MAGI1: variants seen among roughly 807,000 people sequenced by gnomAD.
MAGI1 encodes the protein membrane associated guanylate kinase, WW and PDZ domain containing 1.
MAGI1 carries 58 observed loss-of-function variants against 139.9 expected under a neutral mutation model. The ratio of observed to expected loss-of-function variants is 0.41; its 90% CI spans 0.34 to 0.52. MAGI1 has a LOEUF of 0.52. Among genes scored for constraint, MAGI1 ranks in the 20% least tolerant of loss-of-function variants. The probability of loss-of-function intolerance (pLI) is 0.12; values close to 1 mark genes in which losing one functional copy is unlikely to be tolerated. For synonymous variants in MAGI1, 812 were observed against 737.9 expected, an observed-to-expected ratio of 1.10 and a Z score of -1.63; for missense variants, 1,874 against 1,901.6, an observed-to-expected ratio of 0.99 and a Z score of 0.27.
In MAGI1 at chr3:65,499,423, C is replaced by T. The variant is rs1459251851; in HGVS notation, c.431-5792G>A. Among the ~76,000 whole-genome samples the T allele has an allele frequency of 7.2e-5, 11 of 152,016 alleles. 1 individual carries two copies. ...CCAACACTTTGGGAGGCCGAGGTGG[C>T]CAGATCACGAGGTCAGGAGATCGAG... On this transcript the variant is annotated intron_variant, in intron 2 of 22. Coordinates refer to ENST00000402939, the MANE Select transcript of MAGI1 (RefSeq NM_001033057.2).
intron 1 of MAGI1, chr3:65,954,417 T>C (rs6784567): frequency 0.59 from 89,414 of 152,184 alleles, 27,113 homozygotes; most frequent in East Asian, 0.82. Context: ...GGGCAGCGCT[T>C]GCCAAGGTGG....
chr3:65,601,322 G>A (rs2082473201), intron 2 of MAGI1, among the ~76,000 whole-genome samples: 1 of 151,922 alleles, frequency 6.6e-6, no homozygotes. Flanking sequence ...CATAACACAG[G>A]CCACATTCAC....
intron 14 of MAGI1, among the ~76,000 whole-genome samples, chr3:65,388,340 A>G (rs1027079771): frequency 3.3e-5 from 5 of 152,162 alleles, no homozygotes; most frequent in Admixed American, 3.3e-4. Flanking sequence ...CAACAAAAAG[A>G]GGGTAATATG....
intron 2 of MAGI1, among the ~76,000 whole-genome samples, chr3:65,612,380 C>T (rs1427165531): frequency 6.6e-6 from 1 of 151,946 alleles, no homozygotes; most frequent in African/African-American, 2.4e-5. Flanking sequence ...TATTTGTAAC[C>T]ATTTTTAATG....
intron 2 of MAGI1, among the ~76,000 whole-genome samples, chr3:65,503,892 T>C (rs2077178855): frequency 6.6e-6 from 1 of 152,182 alleles, no homozygotes; most frequent in Non-Finnish European, 1.5e-5. Flanking sequence ...AAAGGAACTA[T>C]TCAAACCGTC....
At chr3:65,845,920 TA>T (rs1160948895) in intron 1 of MAGI1, among the ~76,000 whole-genome samples, 2 of 152,236 alleles carry the variant, frequency 1.3e-5, no homozygotes, top group Non-Finnish European at 2.9e-5. Context: ...CTGCAAAGCC[TA>T]TCAGATTCTT....
chr3:66,031,007 T>C (rs1012179660), intron 1 of MAGI1, among the ~76,000 whole-genome samples: 1 of 152,200 alleles, frequency 6.6e-6, no homozygotes, highest in African/African-American at 2.4e-5. Flanking sequence ...TTGACATCTG[T>C]TGAAACAACA....
At chr3:65,410,487 T>A (rs1391160673) in intron 12 of MAGI1, among the ~76,000 whole-genome samples, 1 of 152,194 alleles carries the variant, frequency 6.6e-6, no homozygotes, top group Non-Finnish European at 1.5e-5. Context: ...TCCTTAATTA[T>A]TTTGGTTTAG....
chr3:65,961,658 G>C (rs2064430186), intron 1 of MAGI1, among the ~76,000 whole-genome samples: 1 of 152,172 alleles, frequency 6.6e-6, no homozygotes, highest in Non-Finnish European at 1.5e-5. Context: ...TGCCTAGATA[G>C]TGCCTTACTA....
intron 1 of MAGI1, among the ~76,000 whole-genome samples, chr3:65,937,446 G>A (rs1487992504): frequency 6.6e-6 from 1 of 152,024 alleles, no homozygotes; most frequent in South Asian, 2.1e-4. Flanking sequence ...GTTTTTCCTG[G>A]AGGTGGCCCA....
chr3:65,612,264 T>C (rs2083163870), intron 2 of MAGI1, among the ~76,000 whole-genome samples: 1 of 152,080 alleles, frequency 6.6e-6, no homozygotes, highest in Non-Finnish European at 1.5e-5. Context: ...AGAATAAGAA[T>C]AGTACAAATA....
intron 1 of MAGI1, among the ~76,000 whole-genome samples, chr3:65,692,996 A>G (rs1415354051): frequency 6.6e-6 from 1 of 152,096 alleles, no homozygotes; most frequent in African/African-American, 2.4e-5. Context: ...CAATGGCACA[A>G]TCATGGCTCA....
intron 1 of MAGI1, among the ~76,000 whole-genome samples, chr3:65,668,353 C>T (rs917651481): frequency 6.6e-6 from 1 of 152,158 alleles, no homozygotes; most frequent in African/African-American, 2.4e-5. Context: ...TTCCTACCTT[C>T]GTACTCAGAG....
intron 1 of MAGI1, among the ~76,000 whole-genome samples, chr3:65,814,843 T>C (rs544188458): frequency 2.0e-5 from 3 of 152,306 alleles, no homozygotes; most frequent in Non-Finnish European, 2.9e-5. Context: ...CATAAAATGG[T>C]TCATTTATAT....
chr3:65,721,035 T>C (rs1263597824), intron 1 of MAGI1, among the ~76,000 whole-genome samples: 1 of 151,986 alleles, frequency 6.6e-6, no homozygotes. Context: ...AAATCCCACC[T>C]GAAATCCCTG....
At chr3:65,494,448 G>A (rs1305798266) in intron 2 of MAGI1, among the ~76,000 whole-genome samples, 2 of 152,266 alleles carry the variant, frequency 1.3e-5, no homozygotes, top group East Asian at 3.9e-4. Context: ...GCAATGAGCA[G>A]AATGTGGTTT....
At chr3:65,736,202 T>A (rs2062476) in intron 1 of MAGI1, among the ~76,000 whole-genome samples, 74,302 of 152,070 alleles carry the variant, frequency 0.49, 18,853 homozygotes, top group East Asian at 0.92. Context: ...TTGATTTCTA[T>A]CATTCTATTT....
At chr3:65,628,671 A>T (rs1430774420) in intron 1 of MAGI1, among the ~76,000 whole-genome samples, 4 of 152,184 alleles carry the variant, frequency 2.6e-5, no homozygotes, top group Non-Finnish European at 4.4e-5. Flanking sequence ...AATAGAAGAA[A>T]TTCCCTGAAA....
At chr3:65,575,156 A>T (rs1175301213) in intron 2 of MAGI1, among the ~76,000 whole-genome samples, 4 of 152,086 alleles carry the variant, frequency 2.6e-5, no homozygotes, top group African/African-American at 9.7e-5. Context: ...TGTACAAATC[A>T]CATATCTGAA....
Sources: allele counts gnomAD v4.1 joint callset (sites outside exome capture counted in the v4.1 genomes callset), GRCh38; gene constraint gnomAD v4.1.1; transcripts MANE v1.5; gene names NCBI Gene and HGNC (gene_info 2026-07-23, HGNC 2026-07-21).